The following GRM7 variants were observed in gnomAD, a reference collection of about 807,000 sequenced individuals.
GRM7 encodes metabotropic glutamate receptor 7.
A neutral mutation model predicts 84.5 loss-of-function variants in GRM7; 35 were observed. That is an observed-to-expected ratio of 0.41 (90% CI 0.32 to 0.55). GRM7 has a LOEUF of 0.55. Ranked by LOEUF, GRM7 falls within the 20% of genes least tolerant of loss-of-function variation. GRM7 has a pLI of 0.19. For missense variants in GRM7, 1,003 were observed against 1,194.6 expected (o/e 0.84, Z 2.36); for synonymous variants, 487 against 455.1 (o/e 1.07, Z -0.89).
intron 4 of GRM7, among the ~76,000 whole-genome samples, chr3:7,320,068 AT>A (rs1417555924): frequency 2.0e-5 from 3 of 150,674 alleles, no homozygotes; most frequent in Non-Finnish European, 4.5e-5. Context: ...AAATATAATT[AT>A]TTATTTATCA....
intron 9 of GRM7, among the ~76,000 whole-genome samples, chr3:7,733,109 A>G (rs1487922685): frequency 6.6e-6 from 1 of 152,058 alleles, no homozygotes; most frequent in Non-Finnish European, 1.5e-5. Context: ...ATGCTATTTT[A>G]TCAGCAAGGT....
intron 4 of GRM7, among the ~76,000 whole-genome samples, chr3:7,329,528 C>G (rs1007412015): frequency 3.9e-5 from 6 of 152,062 alleles, no homozygotes; most frequent in African/African-American, 1.4e-4. Context: ...GAGACTCAGC[C>G]TTTTTAGAGC....
intron 4 of GRM7, among the ~76,000 whole-genome samples, chr3:7,319,394 G>C (rs1310871084): frequency 6.6e-6 from 1 of 152,078 alleles, no homozygotes; most frequent in Non-Finnish European, 1.5e-5. Context: ...GTTAGGACAA[G>C]CTGGAGAAAA....
chr3:7,624,617 T>G (rs2125091005), intron 8 of GRM7, among the ~76,000 whole-genome samples: 1 of 152,308 alleles, frequency 6.6e-6, no homozygotes, highest in East Asian at 1.9e-4. Context: ...GTTATCATAA[T>G]TTTCTGTCAT....
At chr3:7,156,897 AG>A (rs1242399046) in intron 2 of GRM7, among the ~76,000 whole-genome samples, 22 of 152,034 alleles carry the variant, frequency 1.4e-4, no homozygotes, top group African/African-American at 4.1e-4. Context: ...AACATTTTTG[AG>A]AATTAACCTC....
At position 6,870,113 on chromosome 3, in the gene GRM7, CAGAT is replaced by C. The variant is rs907340000; in HGVS notation, c.519+8207_519+8210del. On this transcript the variant is annotated intron_variant, in intron 1 of 9. Transcript: ENST00000357716. ...CAGCTTACATTCTCATGTGTGAAAA[CAGAT>C]GGATGTTATAAATACATCCTATGGA... is the stretch of plus-strand genomic sequence containing the variant. Among the ~76,000 whole-genome samples the C allele has an allele frequency of 2.0e-4, 30 of 151,816 alleles. 1 individual carries two copies. Among genetic ancestry groups the C allele is most frequent in the Admixed American group, 5.3e-4 (8 of 15,222 alleles).
At chr3:7,513,703 A>T (rs1015472797) in intron 7 of GRM7, among the ~76,000 whole-genome samples, 9 of 152,240 alleles carry the variant, frequency 5.9e-5, no homozygotes, top group African/African-American at 1.2e-4. Flanking sequence ...ACTTATCAAA[A>T]CATAATGTTT....
intron 1 of GRM7, among the ~76,000 whole-genome samples, chr3:6,975,749 T>C (rs1693965787): frequency 6.6e-6 from 1 of 152,098 alleles, no homozygotes; most frequent in African/African-American, 2.4e-5. Context: ...GCTGATCTGA[T>C]TAGGAAGAAG....
chr3:7,713,119 G>GTTGT (rs1701640745), intron 9 of GRM7, among the ~76,000 whole-genome samples: 1 of 55,642 alleles, frequency 1.8e-5, no homozygotes, highest in African/African-American at 6.3e-5. Flanking sequence ...TTCGAATTTT[G>GTTGT]TTTTGTTTTT....
At chr3:7,383,792 A>G (rs1694681868) in intron 4 of GRM7, among the ~76,000 whole-genome samples, 1 of 152,038 alleles carries the variant, frequency 6.6e-6, no homozygotes, top group Admixed American at 6.5e-5. Context: ...GATCCATACC[A>G]CCCTGGGGTA....
chr3:7,340,156 C>T (rs73113714), intron 4 of GRM7, among the ~76,000 whole-genome samples: 5,949 of 152,136 alleles, frequency 0.039, 247 homozygotes, highest in African/African-American at 0.11. Context: ...TAAACAAGAA[C>T]TGTGTCATAT....
intron 9 of GRM7, among the ~76,000 whole-genome samples, chr3:7,733,433 G>A (rs1156563753): frequency 6.6e-6 from 1 of 152,160 alleles, no homozygotes; most frequent in Non-Finnish European, 1.5e-5. Context: ...TTTGTTTCTG[G>A]TGGCTCCACC....
intron 2 of GRM7, among the ~76,000 whole-genome samples, chr3:7,162,151 T>G (rs1235808002): frequency 6.6e-6 from 1 of 152,164 alleles, no homozygotes; most frequent in African/African-American, 2.4e-5. Context: ...TATATCCAAG[T>G]GAAGCAGTTG....
chr3:7,730,232 T>C (rs1447340406), intron 9 of GRM7, among the ~76,000 whole-genome samples: 4 of 152,084 alleles, frequency 2.6e-5, no homozygotes, highest in African/African-American at 9.7e-5. Context: ...GGTCTCAATC[T>C]CTTGACCTTG....
chr3:7,103,816 TTCTCTC>T (rs796785372), intron 1 of GRM7, among the ~76,000 whole-genome samples: 1 of 89,056 alleles, frequency 1.1e-5, no homozygotes, highest in Admixed American at 1.2e-4. Flanking sequence ...CTTTCTTTCT[TTCTCTC>T]TCTCTCTGTC....
intron 2 of GRM7, among the ~76,000 whole-genome samples, chr3:7,254,758 C>A (rs1698133811): frequency 6.6e-6 from 1 of 152,214 alleles, no homozygotes. Flanking sequence ...AGTTGCTTAA[C>A]TTCTCTGAGC....
intron 9 of GRM7, among the ~76,000 whole-genome samples, chr3:7,688,433 T>C (rs1251717840): frequency 6.6e-6 from 1 of 152,150 alleles, no homozygotes; most frequent in Non-Finnish European, 1.5e-5. Context: ...ATTTTCGCAA[T>C]GGTATTCCAA....
chr3:7,612,299 CCTGGAGTTT>C (rs1181602854), intron 8 of GRM7, among the ~76,000 whole-genome samples: 2 of 152,110 alleles, frequency 1.3e-5, no homozygotes, highest in Non-Finnish European at 2.9e-5. Flanking sequence ...GTAACTACTT[CCTGGAGTTT>C]ATGTTCAGAA....
intron 2 of GRM7, among the ~76,000 whole-genome samples, chr3:7,155,386 C>A (rs1694416020): frequency 6.6e-6 from 1 of 152,006 alleles, no homozygotes; most frequent in South Asian, 2.1e-4. Flanking sequence ...GTTCCACCCC[C>A]ACCCCTGGAA....
Sources: allele counts gnomAD v4.1 joint callset (sites outside exome capture counted in the v4.1 genomes callset), GRCh38; gene constraint gnomAD v4.1.1; transcripts MANE v1.5; gene names NCBI Gene and HGNC (gene_info 2026-07-23, HGNC 2026-07-21).